The following MACROD2 variants were observed in gnomAD, a reference collection of about 807,000 sequenced individuals.
The protein encoded by MACROD2 is ADP-ribose glycohydrolase MACROD2.
MACROD2 carries 36 observed loss-of-function variants against 70.4 expected under a neutral mutation model. The ratio of observed to expected loss-of-function variants is 0.51; its 90% confidence interval spans 0.39 to 0.68. MACROD2 has a LOEUF of 0.68. Ranked by LOEUF, MACROD2 falls within the 30% of genes least tolerant of loss-of-function variation. The pLI, the probability that MACROD2 is intolerant of heterozygous loss-of-function variation, is 0.00. For synonymous variants in MACROD2, 172 were observed against 178.8 expected, an observed-to-expected ratio of 0.96 and a Z score of 0.30; for missense variants, 496 against 538.4, an observed-to-expected ratio of 0.92 and a Z score of 0.78.
chr20:14,454,367 A>G (rs889735286), intron 3 of MACROD2, among the ~76,000 whole-genome samples: 2 of 151,372 alleles, frequency 1.3e-5, no homozygotes, highest in Admixed American at 6.6e-5. Flanking sequence ...TTAACATTCA[A>G]TAGCTGTAAA....
intron 8 of MACROD2, among the ~76,000 whole-genome samples, chr20:15,523,904 C>T (rs990526843): frequency 2.0e-5 from 3 of 152,092 alleles, no homozygotes; most frequent in African/African-American, 7.2e-5. Flanking sequence ...TATTCCAGGT[C>T]CTTCATGTCG....
At chr20:15,389,588 A>C (rs2045765231) in intron 6 of MACROD2, among the ~76,000 whole-genome samples, 1 of 152,240 alleles carries the variant, frequency 6.6e-6, no homozygotes, top group Non-Finnish European at 1.5e-5. Flanking sequence ...TTTTTAATAG[A>C]AAAGTGTGAA....
chr20:15,229,149 T>C (rs2076937740), intron 5 of MACROD2, among the ~76,000 whole-genome samples: 1 of 152,154 alleles, frequency 6.6e-6, no homozygotes, highest in Non-Finnish European at 1.5e-5. Flanking sequence ...TTCACTACAT[T>C]CCTAAAATTA....
chr20:14,047,274 G>A (rs936562169), intron 2 of MACROD2, among the ~76,000 whole-genome samples: 3 of 151,962 alleles, frequency 2.0e-5, no homozygotes, highest in African/African-American at 7.3e-5. Flanking sequence ...GTGAAACTCC[G>A]TCTCTACTAA....
intron 5 of MACROD2, among the ~76,000 whole-genome samples, chr20:14,697,715 A>G (rs1361167620): frequency 6.6e-6 from 1 of 152,088 alleles, no homozygotes; most frequent in East Asian, 1.9e-4. Context: ...AGATGTTTCT[A>G]TTTATTGTTC....
intron 8 of MACROD2, among the ~76,000 whole-genome samples, chr20:15,803,824 G>A (rs8115170): frequency 0.037 from 5,606 of 152,176 alleles, 366 homozygotes; most frequent in African/African-American, 0.13. Flanking sequence ...AATGCAAATA[G>A]AGACGAAAAA....
At chr20:15,253,330 A>C (rs956371467) in intron 6 of MACROD2, among the ~76,000 whole-genome samples, 3 of 152,192 alleles carry the variant, frequency 2.0e-5, no homozygotes, top group African/African-American at 7.2e-5. Context: ...GATATTTACT[A>C]TCTGGCCTTT....
chr20:15,239,976 G>T (rs973234157), intron 6 of MACROD2, among the ~76,000 whole-genome samples: 23 of 152,084 alleles, frequency 1.5e-4, no homozygotes, highest in African/African-American at 5.3e-4. Flanking sequence ...AGAAAGACAG[G>T]GGCAAGTGGG....
At chr20:15,021,290 G>GTA (rs1216871186) in intron 5 of MACROD2, among the ~76,000 whole-genome samples, 2,993 of 136,888 alleles carry the variant, frequency 0.022, 489 homozygotes, top group Admixed American at 0.036. Context: ...ACACCTGTGT[G>GTA]TGTGTATATG....
At chr20:15,505,494 G>A (rs2047414673) in intron 8 of MACROD2, among the ~76,000 whole-genome samples, 1 of 152,114 alleles carries the variant, frequency 6.6e-6, no homozygotes, top group Admixed American at 6.5e-5. Context: ...AGGTAAAGCT[G>A]TGGCCACCTG....
At chr20:14,398,717 C>G (rs1156473483) in intron 3 of MACROD2, among the ~76,000 whole-genome samples, 1 of 152,052 alleles carries the variant, frequency 6.6e-6, no homozygotes, top group Non-Finnish European at 1.5e-5. Flanking sequence ...TACAGGTTAT[C>G]TCTTTACTAT....
At chr20:15,210,091 A>C (rs1283972349) in intron 5 of MACROD2, among the ~76,000 whole-genome samples, 4 of 152,090 alleles carry the variant, frequency 2.6e-5, no homozygotes, top group Admixed American at 6.5e-5. Context: ...TCTCTCTCTC[A>C]CTATTTATGA....
At chr20:14,930,490 G>A (rs187102296) in intron 5 of MACROD2, among the ~76,000 whole-genome samples, 47 of 152,176 alleles carry the variant, frequency 3.1e-4, no homozygotes, top group Non-Finnish European at 5.4e-4. Flanking sequence ...GAGGTCTCAG[G>A]CAAGCTACTT....
intron 3 of MACROD2, among the ~76,000 whole-genome samples, chr20:14,431,324 C>A (rs989920726): frequency 6.6e-6 from 1 of 152,034 alleles, no homozygotes; most frequent in Non-Finnish European, 1.5e-5. Context: ...ACCCTATACT[C>A]TCTGATGTCA....
chr20:15,094,520 A>AT (rs1231200587), intron 5 of MACROD2, among the ~76,000 whole-genome samples: 3 of 152,182 alleles, frequency 2.0e-5, no homozygotes, highest in Admixed American at 2.0e-4. Flanking sequence ...AGTATTACCC[A>AT]TTTAAAAAAC....
intron 5 of MACROD2, among the ~76,000 whole-genome samples, chr20:14,761,742 A>T (rs1045378261): frequency 6.6e-6 from 1 of 152,106 alleles, no homozygotes; most frequent in African/African-American, 2.4e-5. Flanking sequence ...AGAGCTGTAG[A>T]TGAGCTTACT....
chr20:15,600,058 C>G (rs2048798419), intron 8 of MACROD2, among the ~76,000 whole-genome samples: 1 of 152,074 alleles, frequency 6.6e-6, no homozygotes, highest in Non-Finnish European at 1.5e-5. Context: ...ATGCAGCCCT[C>G]AATGGTGCAC....
chr20:15,369,803 T>C (rs950235835), intron 6 of MACROD2, among the ~76,000 whole-genome samples: 4 of 152,178 alleles, frequency 2.6e-5, no homozygotes, highest in African/African-American at 9.7e-5. Context: ...GAGTTCTTTT[T>C]CCTCAAACAA....
At chr20:15,283,799 T>C (rs767552614) in intron 6 of MACROD2, among the ~76,000 whole-genome samples, 3 of 152,232 alleles carry the variant, frequency 2.0e-5, no homozygotes, top group Non-Finnish European at 2.9e-5. Flanking sequence ...CAGTGAGTTC[T>C]CTTCCAACAT....
Sources: gnomAD v4.1 joint callset for allele counts (sites outside exome capture counted in the v4.1 genomes callset) on GRCh38, gnomAD v4.1.1 for gene constraint, MANE v1.5 for transcripts, NCBI Gene and HGNC (gene_info 2026-07-23, HGNC 2026-07-21) for gene names.